Variants in MEIOSIN observed in about 807,000 individuals in gnomAD.
The protein encoded by MEIOSIN is meiosis initiator protein.
Under a neutral mutation model 23.4 loss-of-function variants are expected in MEIOSIN, and 18 were observed. The ratio of observed to expected loss-of-function variants is 0.77; its 90% CI spans 0.53 to 1.14. The LOEUF (loss-of-function observed/expected upper bound fraction) is 1.14, where lower values mean the gene tolerates loss of function less well. Ranked by LOEUF, MEIOSIN falls within the 50% of genes most tolerant of loss-of-function variation. The pLI, the probability that MEIOSIN is intolerant of heterozygous loss-of-function variation, is 0.00. For synonymous variants in MEIOSIN, 187 were observed against 100.6 expected (o/e 1.86, Z -5.14); for missense variants, 428 against 242.9 (o/e 1.76, Z -5.07).
chr19:45,740,478 C>T (rs1172977094), intron 3 of MEIOSIN, among the ~76,000 whole-genome samples: 4 of 152,160 alleles, frequency 2.6e-5, no homozygotes, highest in African/African-American at 4.8e-5. Flanking sequence ...AGGCCGGGCA[C>T]GGAGGCTCAC....
chr19:45,751,963 C>A (rs1366791787), intron 5 of MEIOSIN, among the ~76,000 whole-genome samples: 1 of 150,914 alleles, frequency 6.6e-6, no homozygotes, highest in Non-Finnish European at 1.5e-5. Flanking sequence ...AAACTCCTGA[C>A]CTCAGGTGAT....
chr19:45,759,343 G>T, intron 10 of MEIOSIN, 71 bp from the exon 11 acceptor site: 2 of 697,604 alleles, frequency 2.9e-6, no homozygotes, highest in East Asian at 2.7e-5. Flanking sequence ...TAGCAGGGAC[G>T]GTGTGGCTGA....
chr19:45,753,270 G>A (rs1268690657), intron 5 of MEIOSIN, among the ~76,000 whole-genome samples: 4 of 152,108 alleles, frequency 2.6e-5, no homozygotes, highest in African/African-American at 4.8e-5. Context: ...AGGAAGAATC[G>A]AGAGGCCAGA....
At chr19:45,744,481 T>C (rs1968558725) in intron 3 of MEIOSIN, among the ~76,000 whole-genome samples, 1 of 152,130 alleles carries the variant, frequency 6.6e-6, no homozygotes, top group Non-Finnish European at 1.5e-5. Context: ...TTTTGTTTTG[T>C]TTTGTTTTTG....
At chr19:45,735,584 C>A (rs887448787) in intron 2 of MEIOSIN, 137 bp downstream of exon 2, 25 of 567,432 alleles carry the variant, frequency 4.4e-5, no homozygotes, top group Non-Finnish European at 7.3e-5. Context: ...TTAATCCATA[C>A]AACAATCTCA....
chr19:45,762,106 C>G lies in MEIOSIN; in HGVS notation c.1602C>G (p.Pro534=). The G allele has an allele frequency of 2.3e-6, 1 of 439,402 alleles. No individual in the cohort carries two copies. The highest frequency in any genetic ancestry group is 3.4e-5 in the East Asian group (1 of 29,352). 27.2% of individuals were successfully genotyped at this position (439,402 alleles called of 1,614,324 possible). A position where few individuals can be genotyped will look rare whatever the true frequency, so the allele number is the denominator to read the frequency against. ...PVKPKEKKKG[P]CPPQMKKKCV... is the part of the protein sequence containing the mutation. ...AGCCCAAGGAGAAGAAGAAAGGCCCCTGCCCACCCCAGATGAAGAAGAAGT... is the reference window on the plus strand; with the variant it reads ...AGCCCAAGGAGAAGAAGAAAGGCCCGTGCCCACCCCAGATGAAGAAGAAGT... The change falls in exon 13 of 15, where the codon CCC becomes CCG. Residue 534 remains proline, a synonymous_variant. Transcript: ENST00000457052.
intron 2 of MEIOSIN, among the ~76,000 whole-genome samples, chr19:45,738,394 G>C (rs1017080688): frequency 6.6e-6 from 1 of 152,264 alleles, no homozygotes; most frequent in Non-Finnish European, 1.5e-5. Context: ...AAGGTGGGCT[G>C]ATCACTTGAA....
Position 45,757,126 on chromosome 19 carries a change from G to A in MEIOSIN, c.912-51G>A, listed in dbSNP as rs545990451. 4.3e-6 allele frequency: 3 copies of A among 697,110 alleles called. No individual in the cohort carries two copies. In the African/African-American group the frequency reaches 5.2e-5, roughly 12 times the overall value. The allele number at this position is 697,110 out of a possible 1,614,324, so 43.2% of individuals were successfully genotyped here. ...AGAGTGCCAAAGGGGCCCCATAGCA[G>A]TTTCTAGCCCAGAGTCTGTGAGTCT... is the stretch of plus-strand genomic sequence containing the variant. On this transcript the variant is annotated intron_variant, in intron 8 of 14. Coordinates refer to ENST00000457052, the MANE Select transcript of MEIOSIN (RefSeq NM_001310124.2).
At chr19:45,759,591 C>A (rs1423031328) in intron 11 of MEIOSIN, 101 bp downstream of exon 11, 1 of 664,680 alleles carries the variant, frequency 1.5e-6, no homozygotes, top group Admixed American at 2.1e-5. Flanking sequence ...ACCCTTTCAG[C>A]CACCATCTAC....
chr19:45,745,171 C>G (rs781573718), intron 3 of MEIOSIN, 21 bp from the exon 4 acceptor site: 69 of 702,670 alleles, frequency 9.8e-5, no homozygotes, highest in Non-Finnish European at 1.7e-4. Context: ...CTAACCAAAA[C>G]CAGCTCCTGT....
chr19:45,757,389 A>G, intron 9 of MEIOSIN, 112 bp downstream of exon 9: 1 of 602,628 alleles, frequency 1.7e-6, no homozygotes, highest in Non-Finnish European at 3.0e-6. Flanking sequence ...GAGATCCCCT[A>G]AGCACAGGGA....
chr19:45,751,093 C>CA (rs1247673629), intron 5 of MEIOSIN, among the ~76,000 whole-genome samples: 1 of 151,784 alleles, frequency 6.6e-6, no homozygotes, highest in African/African-American at 2.4e-5. Context: ...GCCAACATGG[C>CA]AAAACCCCGT....
In MEIOSIN at chr19:45,761,969, G is replaced by A. The variant is rs546382571; in HGVS notation, c.1465G>A (p.Gly489Ser). ...DMQANPVGTPGSSEEDEDTTW... is the reference protein window; with the variant it reads ...DMQANPVGTPSSSEEDEDTTW... ...GCAGGCCAACCCTGTGGGCACGCCGGGCTCCAGCGAAGAGGACGAAGACAC... is the reference window on the plus strand; with the variant it reads ...GCAGGCCAACCCTGTGGGCACGCCGAGCTCCAGCGAAGAGGACGAAGACAC... Residue 489 changes from glycine to serine, a missense_variant, in exon 13 of 15, where the codon GGC becomes AGC. Coordinates refer to ENST00000457052, the MANE Select transcript of MEIOSIN (RefSeq NM_001310124.2). 1 of 560,566 alleles carries A rather than the reference G, an allele frequency of 1.8e-6. No homozygotes were observed. The highest frequency in any genetic ancestry group is 3.2e-6 in the Non-Finnish European group (1 of 313,426). The allele number at this position is 560,566 out of a possible 1,614,324, so 34.7% of individuals were successfully genotyped here.
intron 13 of MEIOSIN, among the ~76,000 whole-genome samples, chr19:45,762,834 G>C (rs1359161206): frequency 6.6e-6 from 1 of 152,224 alleles, no homozygotes; most frequent in Non-Finnish European, 1.5e-5. Context: ...CACACAGGCT[G>C]TCTGGAATCT....
intron 14 of MEIOSIN, 47 bp from the exon 15 acceptor site, chr19:45,763,924 C>T (rs967475294): frequency 1.3e-5 from 5 of 398,672 alleles, no homozygotes; most frequent in Admixed American, 8.8e-5. Flanking sequence ...CAGGGATGCC[C>T]GGGAGGCGAG....
chr19:45,756,584 AT>A (rs1968834435), intron 8 of MEIOSIN, among the ~76,000 whole-genome samples: 1 of 152,038 alleles, frequency 6.6e-6, no homozygotes, highest in South Asian at 2.1e-4. Context: ...CACCCAGCTA[AT>A]TTTTTTATGT....
At chr19:45,738,493 C>T (rs564990541) in intron 2 of MEIOSIN, among the ~76,000 whole-genome samples, 177 of 152,248 alleles carry the variant, frequency 1.2e-3, no homozygotes, top group African/African-American at 2.2e-3. Context: ...TGGTGTGTGC[C>T]GGTAATCCCA....
At chr19:45,734,980 G>A (rs1161003684) in intron 1 of MEIOSIN, among the ~76,000 whole-genome samples, 2 of 151,744 alleles carry the variant, frequency 1.3e-5, no homozygotes, top group Admixed American at 6.6e-5. Context: ...TGCAACCTCC[G>A]CCTCCCAGGT....
At chr19:45,754,847 C>T (rs1025365300) in intron 7 of MEIOSIN, 123 bp downstream of exon 7, 1 of 628,706 alleles carries the variant, frequency 1.6e-6, no homozygotes, top group African/African-American at 1.8e-5. Flanking sequence ...AACACCGCCT[C>T]TTACTTCTCA....
Sources: allele counts gnomAD v4.1 joint callset (sites outside exome capture counted in the v4.1 genomes callset), GRCh38; gene constraint gnomAD v4.1.1; transcripts MANE v1.5; gene names NCBI Gene and HGNC (gene_info 2026-07-23, HGNC 2026-07-21).